The following GCNT1 variants were observed in gnomAD, a reference collection of about 807,000 sequenced individuals.
The protein encoded by GCNT1 is glucosaminyl (N-acetyl) transferase 1.
In GCNT1, 16 loss-of-function variants were observed where a neutral mutation model predicts 26.2. That is an observed-to-expected ratio of 0.61 (90% CI 0.41 to 0.93). GCNT1 has a LOEUF of 0.93. Ranked by LOEUF, GCNT1 falls within the 40% of genes least tolerant of loss-of-function variation. The pLI, the probability that GCNT1 is intolerant of heterozygous loss-of-function variation, is 0.00. For missense variants in GCNT1, 477 were observed against 526.7 expected, an observed-to-expected ratio of 0.91 and a Z score of 0.92; for synonymous variants, 183 against 190.8, an observed-to-expected ratio of 0.96 and a Z score of 0.34.
At chr9:76,394,195 GC>G in the GCNT1 span, 1 of 1,565,320 alleles carries the variant, frequency 6.4e-7, no homozygotes, top group Non-Finnish European at 8.6e-7. Context: ...CGGGGAATGG[GC>G]TGCGGCCCGG....
chr9:76,468,726 A>G (rs911133583), intron 2 of GCNT1, among the ~76,000 whole-genome samples: 1 of 152,318 alleles, frequency 6.6e-6, no homozygotes, highest in East Asian at 1.9e-4. Context: ...CAATTTTGCT[A>G]TGCCTATCAG....
At chr9:76,497,502 A>G (rs1587455918) in intron 2 of GCNT1, among the ~76,000 whole-genome samples, 1 of 152,206 alleles carries the variant, frequency 6.6e-6, no homozygotes. Flanking sequence ...GCTTTCTCAC[A>G]TATTTAGCTT....
In GCNT1 at chr9:76,428,460, C is replaced by G. The variant is rs931060517; in HGVS notation, n.38+8573C>G. 2.6e-5 allele frequency among the ~76,000 whole-genome samples: 4 copies of G among 151,698 alleles called. No homozygotes were observed. The South Asian group carries it at 8.3e-4, about 32-fold the overall frequency. The stretch of plus-strand genomic sequence containing the variant: ...AAATAAATGAGAATAATATGAATAC[C>G]TATCACTGATTTTAAAAATGTTAAT... On this transcript the variant is annotated intron_variant and non_coding_transcript_variant, in intron 1 of 3. Coordinates refer to the GCNT1 transcript ENST00000488136.
chr9:76,454,207 C>T (rs1823714678), upstream of GCNT1, among the ~76,000 whole-genome samples: 1 of 151,532 alleles, frequency 6.6e-6, no homozygotes, highest in South Asian at 2.1e-4. Flanking sequence ...ATGGTGAAAA[C>T]TCGTCTAAAA....
intron 2 of GCNT1, among the ~76,000 whole-genome samples, chr9:76,461,044 C>A (rs1274840369): frequency 3.9e-5 from 6 of 152,318 alleles, no homozygotes; most frequent in African/African-American, 1.4e-4. Flanking sequence ...ACAAAATCCA[C>A]TTTATCCACA....
chr9:76,478,533 G>A (rs995904223), intron 2 of GCNT1, among the ~76,000 whole-genome samples: 2 of 152,204 alleles, frequency 1.3e-5, no homozygotes, highest in Non-Finnish European at 2.9e-5. Flanking sequence ...CATTCTTGGT[G>A]AGTAAGACCC....
chr9:76,424,027 C>T (rs1357421950), intron 1 of GCNT1, among the ~76,000 whole-genome samples: 1 of 152,120 alleles, frequency 6.6e-6, no homozygotes, highest in Non-Finnish European at 1.5e-5. Context: ...GAATGGTTTG[C>T]CTTGGAATCA....
chr9:76,431,201 C>G (rs929024489), intron 1 of GCNT1, among the ~76,000 whole-genome samples: 7 of 152,128 alleles, frequency 4.6e-5, no homozygotes, highest in African/African-American at 1.7e-4. Context: ...TAACTAGGTG[C>G]ACTGAAATTT....
intron 2 of GCNT1, among the ~76,000 whole-genome samples, chr9:76,468,655 T>G (rs1824061369): frequency 6.6e-6 from 1 of 152,188 alleles, no homozygotes; most frequent in African/African-American, 2.4e-5. Context: ...GTGGTTGAGT[T>G]TACAGGTGTC....
intron 1 of GCNT1, among the ~76,000 whole-genome samples, chr9:76,447,170 A>G (rs1823590948): frequency 6.6e-6 from 1 of 150,542 alleles, no homozygotes; most frequent in African/African-American, 2.4e-5. Flanking sequence ...AAAAAAAAAA[A>G]AAAAAAAAAA....
At position 76,471,487 on chromosome 9, in the gene GCNT1, G is replaced by A. The variant is rs192639879; in HGVS notation, c.-290+11310G>A. On this transcript the variant is annotated intron_variant, in intron 2 of 3. Transcript: ENST00000376730. The stretch of plus-strand genomic sequence containing the variant: ...AACCCCAGGGTATAGATAAAAACCC[G>A]TGCATGTATGTCTCACTGCTATGCA... 5.9e-5 allele frequency among the ~76,000 whole-genome samples: 9 copies of A among 152,258 alleles called. No homozygotes were observed. The South Asian group carries it at 8.3e-4, about 14-fold the overall frequency.
chr9:76,448,456 C>A (rs1230511357), intron 1 of GCNT1, among the ~76,000 whole-genome samples: 2 of 151,984 alleles, frequency 1.3e-5, no homozygotes, highest in Non-Finnish European at 2.9e-5. Context: ...CACCTCAAAA[C>A]AACAACAGCA....
chr9:76,397,543 AAGTGATT>A, the GCNT1 span, among the ~76,000 whole-genome samples: 1 of 151,728 alleles, frequency 6.6e-6, no homozygotes, highest in Non-Finnish European at 1.5e-5. Context: ...TCCCGGGCTC[AAGTGATT>A]CTCCTGCCTC....
chr9:76,435,992 G>C (rs892701354), intron 1 of GCNT1, among the ~76,000 whole-genome samples: 2 of 124,962 alleles, frequency 1.6e-5, no homozygotes, highest in African/African-American at 6.2e-5. Flanking sequence ...ATCTCGCTCT[G>C]TCACCCAGGC....
intron 2 of GCNT1, among the ~76,000 whole-genome samples, chr9:76,467,905 T>TG (rs1824039356): frequency 1.5e-5 from 2 of 130,020 alleles, no homozygotes; most frequent in Non-Finnish European, 1.6e-5. Context: ...GTGTTTTTTT[T>TG]TTTTTTTTTT....
upstream of GCNT1, among the ~76,000 whole-genome samples, chr9:76,415,656 T>C (rs1300337641): frequency 6.6e-6 from 1 of 152,212 alleles, no homozygotes; most frequent in Non-Finnish European, 1.5e-5. Flanking sequence ...GGATTCTATC[T>C]TTGTTTTAAC....
chr9:76,435,354 A>G (rs1376891289), intron 1 of GCNT1, among the ~76,000 whole-genome samples: 1 of 152,168 alleles, frequency 6.6e-6, no homozygotes, highest in African/African-American at 2.4e-5. Context: ...TGGAAAATAG[A>G]AAGAGCCTAC....
At chr9:76,394,152 A>T in the GCNT1 span, 2 of 1,608,454 alleles carry the variant, frequency 1.2e-6, no homozygotes, top group Non-Finnish European at 1.7e-6. Flanking sequence ...ACCCCGGCAG[A>T]AGTAAGGCAG....
chr9:76,408,139 T>G, the GCNT1 span, among the ~76,000 whole-genome samples: 2 of 152,240 alleles, frequency 1.3e-5, no homozygotes, highest in Admixed American at 1.3e-4. Flanking sequence ...CTTTCCTTAC[T>G]GCATTAGTTA....
Sources: gnomAD v4.1 joint callset for allele counts (sites outside exome capture counted in the v4.1 genomes callset) on GRCh38, gnomAD v4.1.1 for gene constraint, MANE v1.5 for transcripts, NCBI Gene and HGNC (gene_info 2026-07-23, HGNC 2026-07-21) for gene names.